The following RGS12 variants were observed in gnomAD, a reference collection of about 807,000 sequenced individuals.
The protein encoded by RGS12 is regulator of G-protein signaling 12.
Under a neutral mutation model 120.1 loss-of-function variants are expected in RGS12, and 66 were observed. The ratio of observed to expected loss-of-function variants is 0.55; its 90% confidence interval spans 0.45 to 0.67. The LOEUF (loss-of-function observed/expected upper bound fraction) is 0.67. Among genes scored for constraint, RGS12 ranks in the 30% least tolerant of loss-of-function variants. RGS12 has a pLI of 0.00. For missense variants in RGS12, 1,859 were observed against 1,957.7 expected (o/e 0.95, Z 0.95); for synonymous variants, 827 against 804.7 (o/e 1.03, Z -0.47).
intron 1 of RGS12, among the ~76,000 whole-genome samples, chr4:3,310,868 C>T (rs1340293884): frequency 6.6e-6 from 1 of 152,130 alleles, no homozygotes; most frequent in Non-Finnish European, 1.5e-5. Context: ...TGTGCATCCA[C>T]GTAAGTGTGG....
chr4:3,382,532 T>G (rs1291832731), intron 3 of RGS12, among the ~76,000 whole-genome samples: 1 of 152,258 alleles, frequency 6.6e-6, no homozygotes, highest in Non-Finnish European at 1.5e-5. Flanking sequence ...AAAGTCTTGC[T>G]GGCTTGCATT....
At chr4:3,404,590 GA>G (rs1254365925) in intron 4 of RGS12, among the ~76,000 whole-genome samples, 1 of 152,224 alleles carries the variant, frequency 6.6e-6, no homozygotes, top group East Asian at 1.9e-4. Context: ...GAGTTACAGA[GA>G]TGGAAGAGGA....
chr4:3,317,063 A>G lies in RGS12; in HGVS notation c.893A>G (p.Lys298Arg). 6.2e-7 allele frequency: 1 copy of G among 1,613,688 alleles called. No homozygotes were observed. Among genetic ancestry groups the G allele is most frequent in the Non-Finnish European group, 8.5e-7 (1 of 1,180,048 alleles). Residue 298 changes from lysine to arginine, a missense_variant, in exon 2 of 18, where the codon AAG (lysine) becomes AGG (arginine). Transcript: ENST00000336727. ...AGVVAEYPAE[K>R]LAFSAVCPDD... is the part of the protein sequence containing the mutation. ...GTCGTGGCCGAGTACCCGGCCGAGAAGCTGGCCTTCAGCGCCGTGTGCCCG... is the reference window on the plus strand; with the variant it reads ...GTCGTGGCCGAGTACCCGGCCGAGAGGCTGGCCTTCAGCGCCGTGTGCCCG...
chr4:3,333,206 T>C (rs59730955), intron 2 of RGS12, among the ~76,000 whole-genome samples: 8,998 of 152,224 alleles, frequency 0.059, 746 homozygotes, highest in African/African-American at 0.19. Context: ...CCTGCCACCT[T>C]GCCCGGCTAA....
At chr4:3,386,865 A>G (rs1320128907) in intron 4 of RGS12, among the ~76,000 whole-genome samples, 3 of 152,252 alleles carry the variant, frequency 2.0e-5, no homozygotes, top group East Asian at 3.8e-4. Flanking sequence ...CAAGAAAAGT[A>G]TAATAGACGA....
In RGS12 at chr4:3,420,674, C is replaced by A. The variant is rs753793385; in HGVS notation, c.2794C>A (p.Arg932=). The A allele has an allele frequency of 6.2e-7, 1 of 1,613,460 alleles. No homozygotes were observed. The highest frequency in any genetic ancestry group is 8.5e-7 in the Non-Finnish European group (1 of 1,180,032). The change falls in exon 10 of 18, where the codon CGA becomes AGA. Residue 932 remains arginine, a synonymous_variant. Transcript: ENST00000336727. ...ALHANGGLCR[R]ESQGSVSSAG... is the part of the protein sequence containing the mutation. ...GCATGCCAATGGAGGCCTGTGTCGC[C>A]GAGAGTCGCAGGGCTCTGTGTCCTC...
chr4:3,362,938 G>GGT (rs1246805250), intron 3 of RGS12, among the ~76,000 whole-genome samples: 2 of 133,324 alleles, frequency 1.5e-5, no homozygotes, highest in South Asian at 2.6e-4. Context: ...AACGCGAAGG[G>GGT]GTGTGTGTGC....
At position 3,390,728 on chromosome 4, in the gene RGS12, C is replaced by T. The variant is rs1719407969; in HGVS notation, c.2020+4291C>T. Among the ~76,000 whole-genome samples, 3 of 152,240 alleles carry T rather than the reference C, an allele frequency of 2.0e-5. No individual in the cohort carries two copies. In the South Asian group the frequency reaches 6.2e-4, roughly 31 times the overall value. Reference sequence around the variant, plus strand: ...TCTCTTGGGGCAAGTCACTTTCTCTCTCCTAGCCTTGTGTCTTCATCTCGC... The same window carrying T: ...TCTCTTGGGGCAAGTCACTTTCTCTTTCCTAGCCTTGTGTCTTCATCTCGC... On this transcript the variant is annotated intron_variant, in intron 4 of 17. Transcript: ENST00000336727. The surrounding 1 kb of genome is among the most constrained non-coding windows in gnomAD (Gnocchi z 4.6).
At chr4:3,364,881 C>T (rs1160953998) in intron 3 of RGS12, among the ~76,000 whole-genome samples, 1 of 151,976 alleles carries the variant, frequency 6.6e-6, no homozygotes, top group Non-Finnish European at 1.5e-5. Context: ...GGAAGCTTGG[C>T]ACCTCTGCTT....
intron 12 of RGS12, 117 bp downstream of exon 12, chr4:3,423,095 A>G (rs1723210282): frequency 1.8e-5 from 7 of 396,436 alleles, no homozygotes; most frequent in South Asian, 6.7e-5. Context: ...CTGGGCTACG[A>G]TGGGGTGTCG....
chr4:3,414,476 G>T, intron 5 of RGS12: 1 of 602,710 alleles, frequency 1.7e-6, no homozygotes, highest in Admixed American at 3.0e-5. Context: ...CTCTCTACTG[G>T]GGTCTCTCTG....
At chr4:3,409,512 A>G (rs1282117239) in intron 4 of RGS12, among the ~76,000 whole-genome samples, 2 of 152,170 alleles carry the variant, frequency 1.3e-5, no homozygotes, top group Non-Finnish European at 2.9e-5. Context: ...CCACAAATAC[A>G]CCAGTGTGGG....
chr4:3,318,152 C>G lies in RGS12; in HGVS notation c.1881+101C>G. 3 of 1,040,254 alleles carry G rather than the reference C, an allele frequency of 2.9e-6. No homozygotes were observed. The East Asian group carries it at 7.4e-5, about 26-fold the overall frequency. The allele number at this position is 1,040,254 out of a possible 1,614,324, so 64.4% of individuals were successfully genotyped here. A position where few individuals can be genotyped will look rare whatever the true frequency, so the allele number is the denominator to read the frequency against. On this transcript the variant is annotated intron_variant, in intron 2 of 17. Transcript: ENST00000336727. ...CACCAGCTTGCACAGTCCTGGCTTC[C>G]TCCTGCTGGCCCTGTGGCCTCTGTG...
chr4:3,342,918 C>CT lies in RGS12; in HGVS notation c.1882-13dup. The CT allele has an allele frequency of 1.9e-6, 3 of 1,557,160 alleles. No individual in the cohort carries two copies. The highest frequency in any genetic ancestry group is 1.1e-5 in the South Asian group (1 of 89,752). On this transcript the variant is annotated intron_variant, in intron 2 of 17. Transcript: ENST00000336727. ...TCTTTGCAAAAGAATAACCTGATGC[C>CT]TTTTTTCTTCGTGTTTAGGGCTCAA...
chr4:3,396,630 A>G (rs141292289), intron 4 of RGS12, among the ~76,000 whole-genome samples: 4 of 152,262 alleles, frequency 2.6e-5, no homozygotes, highest in African/African-American at 9.6e-5. Context: ...CTGTTTGTCT[A>G]TCATTGGATC....
At chr4:3,304,266 A>C (rs1384189982) in intron 1 of RGS12, among the ~76,000 whole-genome samples, 1 of 152,204 alleles carries the variant, frequency 6.6e-6, no homozygotes, top group Non-Finnish European at 1.5e-5. Flanking sequence ...AGCCTAATGT[A>C]TTATTCAAAA....
At chr4:3,293,452 A>AG (rs139468582) in intron 1 of RGS12, among the ~76,000 whole-genome samples, 23,013 of 149,904 alleles carry the variant, frequency 0.15, 2,189 homozygotes, top group African/African-American at 0.27. Flanking sequence ...GGCGCCGGGC[A>AG]GGGGGTCCCG....
chr4:3,318,791 C>T (rs759042102), intron 2 of RGS12, among the ~76,000 whole-genome samples: 6 of 152,024 alleles, frequency 3.9e-5, no homozygotes, highest in Non-Finnish European at 7.4e-5. Flanking sequence ...TGTGCCTGTG[C>T]GGTTGGGTGC....
chr4:3,286,559 C>T, the RGS12 span, among the ~76,000 whole-genome samples: 6 of 152,228 alleles, frequency 3.9e-5, no homozygotes, highest in Admixed American at 2.0e-4. Flanking sequence ...CCCTGCTCCC[C>T]CGGCCTCCTG....
Sources: allele counts gnomAD v4.1 joint callset (sites outside exome capture counted in the v4.1 genomes callset), GRCh38; gene constraint gnomAD v4.1.1; non-coding constraint Gnocchi (gnomAD v3.1); transcripts MANE v1.5; gene names NCBI Gene and HGNC (gene_info 2026-07-23, HGNC 2026-07-21).